The following ANO1 variants were observed in gnomAD, a reference collection of about 807,000 sequenced individuals.
The protein encoded by ANO1 is anoctamin-1.
A neutral mutation model predicts 124.0 loss-of-function variants in ANO1; 59 were observed. The observed-to-expected ratio is 0.48, with a 90% CI of 0.39 to 0.59. ANO1 has a LOEUF of 0.59. ANO1 is among the 20% of genes least tolerant of loss of function. The probability of loss-of-function intolerance (pLI) is 0.00; values close to 1 mark genes in which losing one functional copy is unlikely to be tolerated. For missense variants in ANO1, 1,059 were observed against 1,328.0 expected, an observed-to-expected ratio of 0.80 and a Z score of 3.15; for synonymous variants, 529 against 532.0, an observed-to-expected ratio of 0.99 and a Z score of 0.08.
intron 25 of ANO1, among the ~76,000 whole-genome samples, chr11:70,187,206 C>G (rs1299136458): frequency 2.6e-5 from 4 of 152,232 alleles, no homozygotes; most frequent in African/African-American, 9.6e-5. Flanking sequence ...GGAACCTGCT[C>G]AGCCGGGGGT....
Position 70,161,163 on chromosome 11 carries a change from T to G in ANO1, c.1581T>G (p.Ile527Met). The G allele has an allele frequency of 6.2e-7, 1 of 1,613,442 alleles. No homozygotes were observed. The highest frequency in any genetic ancestry group is 8.5e-7 in the Non-Finnish European group (1 of 1,179,794). ...LTNLVSIIFM[I>M]AVTFAIVLGV... Reference sequence around the variant, plus strand: ...GAGTGCCCCTTTCCCCCCTGCAGATTGCAGTGACGTTTGCCATCGTCCTCG... The same window carrying G: ...GAGTGCCCCTTTCCCCCCTGCAGATGGCAGTGACGTTTGCCATCGTCCTCG... The change falls in exon 17 of 26, where the codon ATT becomes ATG. Residue 527 changes from isoleucine to methionine, a missense_variant and splice_region_variant. Around this residue, in one of 2 missense-constraint regions of ANO1, gnomAD observed 809 missense variants for 1,094.9 expected, o/e 0.74. Transcript: ENST00000355303.
intron 1 of ANO1, among the ~76,000 whole-genome samples, chr11:70,007,273 CTTTTT>C (rs71046569): frequency 7.4e-6 from 1 of 134,696 alleles, no homozygotes; most frequent in Non-Finnish European, 1.6e-5. Context: ...TCCTTTCTTT[CTTTTT>C]TTTTTTTTTT....
At chr11:70,042,894 C>T (rs1327711900) in intron 1 of ANO1, among the ~76,000 whole-genome samples, 4 of 152,034 alleles carry the variant, frequency 2.6e-5, no homozygotes, top group African/African-American at 7.2e-5. Context: ...GATTCTAACA[C>T]GAATTAAAGA....
intron 24 of ANO1, 97 bp from the exon 25 acceptor site, chr11:70,185,493 C>G: frequency 8.8e-7 from 1 of 1,135,636 alleles, no homozygotes. Flanking sequence ...GCACACCAAG[C>G]TGAGCCTCTC....
At chr11:70,170,222 C>T (rs1448893926) in intron 21 of ANO1, 1 of 452,800 alleles carries the variant, frequency 2.2e-6, no homozygotes, top group Non-Finnish European at 4.4e-6. Flanking sequence ...GGGCCACTGC[C>T]ACGTCCCTTC....
At chr11:70,177,565 A>T (rs1312389708) in intron 22 of ANO1, among the ~76,000 whole-genome samples, 2 of 136,308 alleles carry the variant, frequency 1.5e-5, no homozygotes, top group Admixed American at 1.5e-4. Context: ...AGAGCCGAGG[A>T]GTCTCGATTT....
intron 1 of ANO1, among the ~76,000 whole-genome samples, chr11:70,007,534 C>T (rs1591030344): frequency 6.6e-6 from 1 of 152,196 alleles, no homozygotes; most frequent in East Asian, 1.9e-4. Context: ...CCCATCTTGG[C>T]CTCCCAAAGT....
chr11:70,042,848 G>A (rs578017259), intron 1 of ANO1, among the ~76,000 whole-genome samples: 9 of 152,234 alleles, frequency 5.9e-5, no homozygotes, highest in South Asian at 2.1e-4. Flanking sequence ...GAATGGATTC[G>A]ATGGATTCTA....
At chr11:70,001,776 T>TGTGTGTGC (rs1246243706) in intron 1 of ANO1, among the ~76,000 whole-genome samples, 1 of 41,380 alleles carries the variant, frequency 2.4e-5, no homozygotes, top group African/African-American at 5.5e-5. Context: ...CAATAAGATG[T>TGTGTGTGC]GTGTGTGTGT....
chr11:70,103,276 C>T (rs2045351405), intron 3 of ANO1, 112 bp downstream of exon 3: 3 of 817,106 alleles, frequency 3.7e-6, no homozygotes, highest in Non-Finnish European at 3.8e-6. Context: ...AAAAAAAAAC[C>T]CAGTGGGCTT....
At chr11:70,126,321 C>T in intron 10 of ANO1, 126 bp downstream of exon 10, 1 of 1,239,508 alleles carries the variant, frequency 8.1e-7, no homozygotes, top group Non-Finnish European at 1.1e-6. Flanking sequence ...AACCTCACGC[C>T]AAGCCACGAG....
chr11:70,112,877 G>A (rs1390077586), intron 7 of ANO1, among the ~76,000 whole-genome samples: 1 of 152,090 alleles, frequency 6.6e-6, no homozygotes, highest in Non-Finnish European at 1.5e-5. Flanking sequence ...CTCTTCTTGA[G>A]GAAGAAACAA....
intron 1 of ANO1, among the ~76,000 whole-genome samples, chr11:70,037,746 G>A (rs781853112): frequency 2.0e-5 from 3 of 152,132 alleles, no homozygotes; most frequent in Non-Finnish European, 4.4e-5. Flanking sequence ...TTTTCTGCTT[G>A]TTGAGTACTC....
At chr11:70,056,930 C>T (rs1480675958) in intron 1 of ANO1, among the ~76,000 whole-genome samples, 1 of 151,172 alleles carries the variant, frequency 6.6e-6, no homozygotes, top group Non-Finnish European at 1.5e-5. Flanking sequence ...TGCAGTTATA[C>T]CTACCTTTTG....
chr11:70,005,226 T>G (rs1406391778), intron 1 of ANO1, among the ~76,000 whole-genome samples: 1 of 152,240 alleles, frequency 6.6e-6, no homozygotes, highest in African/African-American at 2.4e-5. Flanking sequence ...TGTGTTTATG[T>G]TCTCATTTAC....
At chr11:70,120,708 T>A (rs1170143043) in intron 8 of ANO1, among the ~76,000 whole-genome samples, 2 of 152,148 alleles carry the variant, frequency 1.3e-5, no homozygotes, top group African/African-American at 4.8e-5. Context: ...GGCAAGGACA[T>A]ACACCAATTA....
At chr11:70,039,927 G>A (rs1171629637) in intron 1 of ANO1, among the ~76,000 whole-genome samples, 1 of 152,074 alleles carries the variant, frequency 6.6e-6, no homozygotes. Flanking sequence ...TGAAATTCAG[G>A]GTCTAAAGAA....
At chr11:70,130,461 G>A (rs1283338349) in intron 10 of ANO1, among the ~76,000 whole-genome samples, 1 of 152,164 alleles carries the variant, frequency 6.6e-6, no homozygotes, top group Non-Finnish European at 1.5e-5. Context: ...TCTGCTGCGT[G>A]GCCCTGAACA....
chr11:70,141,940 C>T (rs1420608019), intron 11 of ANO1, among the ~76,000 whole-genome samples: 1 of 152,052 alleles, frequency 6.6e-6, no homozygotes, highest in Non-Finnish European at 1.5e-5. Context: ...TGTGGGGGTC[C>T]GTATTCACGG....
Sources: allele counts gnomAD v4.1 joint callset (sites outside exome capture counted in the v4.1 genomes callset), GRCh38; gene constraint gnomAD v4.1.1; regional missense constraint gnomAD v4.1.1; transcripts MANE v1.5; gene names NCBI Gene and HGNC (gene_info 2026-07-23, HGNC 2026-07-21).